PDZRN4: variants seen among roughly 807,000 people sequenced by gnomAD.
PDZRN4 encodes PDZ domain containing ring finger 4.
PDZRN4 carries 70 observed loss-of-function variants against 99.0 expected under a neutral mutation model. The ratio of observed to expected loss-of-function variants is 0.71; its 90% CI spans 0.58 to 0.86. The LOEUF is 0.86. Ranked by LOEUF, PDZRN4 falls within the 40% of genes least tolerant of loss-of-function variation. PDZRN4 has a pLI of 0.00. For synonymous variants in PDZRN4, 551 were observed against 501.6 expected, an observed-to-expected ratio of 1.10 and a Z score of -1.32; for missense variants, 1,474 against 1,331.2, an observed-to-expected ratio of 1.11 and a Z score of -1.67.
At chr12:41,568,815 T>TAC (rs1939425107) in intron 9 of PDZRN4, among the ~76,000 whole-genome samples, 1 of 150,544 alleles carries the variant, frequency 6.6e-6, no homozygotes, top group Admixed American at 6.6e-5. Flanking sequence ...TATTTTATTA[T>TAC]ATATATATAT....
At chr12:41,217,924 C>T (rs1032222809) in intron 3 of PDZRN4, among the ~76,000 whole-genome samples, 3 of 152,020 alleles carry the variant, frequency 2.0e-5, no homozygotes, top group African/African-American at 7.2e-5. Flanking sequence ...TATAAACTTC[C>T]CACAGAGCAC....
intron 3 of PDZRN4, among the ~76,000 whole-genome samples, chr12:41,500,401 CA>C (rs1260041234): frequency 6.6e-6 from 1 of 151,982 alleles, no homozygotes; most frequent in Non-Finnish European, 1.5e-5. Context: ...CTTATTGTGT[CA>C]CATGGAATAA....
intron 3 of PDZRN4, among the ~76,000 whole-genome samples, chr12:41,278,736 G>T (rs1951365325): frequency 6.6e-6 from 1 of 152,198 alleles, no homozygotes; most frequent in African/African-American, 2.4e-5. Context: ...AGCGGAAAAT[G>T]CTACATCACA....
intron 3 of PDZRN4, among the ~76,000 whole-genome samples, chr12:41,397,032 T>C (rs1007880156): frequency 2.6e-5 from 4 of 152,136 alleles, no homozygotes; most frequent in African/African-American, 9.7e-5. Context: ...ACAGTTTTTA[T>C]AATACTTAGT....
intron 3 of PDZRN4, among the ~76,000 whole-genome samples, chr12:41,383,446 A>C (rs1404227355): frequency 6.6e-6 from 1 of 152,240 alleles, no homozygotes; most frequent in Non-Finnish European, 1.5e-5. Flanking sequence ...CTTAAATAAA[A>C]ATGTATGTTT....
At chr12:41,481,902 T>G (rs1937679293) in intron 3 of PDZRN4, among the ~76,000 whole-genome samples, 1 of 152,176 alleles carries the variant, frequency 6.6e-6, no homozygotes, top group Non-Finnish European at 1.5e-5. Flanking sequence ...TAGATAACCA[T>G]GATCAATTTA....
At chr12:41,492,693 G>GA (rs1937912413) in intron 3 of PDZRN4, among the ~76,000 whole-genome samples, 1 of 152,022 alleles carries the variant, frequency 6.6e-6, no homozygotes, top group South Asian at 2.1e-4. Flanking sequence ...GGTGGTGTAA[G>GA]AAAAAAATCA....
At chr12:41,426,930 A>G (rs1406807392) in intron 3 of PDZRN4, among the ~76,000 whole-genome samples, 2 of 152,202 alleles carry the variant, frequency 1.3e-5, no homozygotes, top group African/African-American at 4.8e-5. Context: ...AGCCCTAGGA[A>G]TTGAGCTTGT....
rs148353188 is a variant in PDZRN4, at chr12:41,195,264, G to A, written c.843+1076G>A. 3.2e-3 allele frequency among the ~76,000 whole-genome samples: 483 copies of A among 152,262 alleles called. 2 individuals carry two copies. Among genetic ancestry groups the A allele is most frequent in the African/African-American group, 0.011 (442 of 41,550 alleles). Reference sequence around the variant, plus strand: ...CAGTGAGTTTATTTCCAATGGATTAGTGAAGCTATAAATAGGAATTTGGAA... The same window carrying A: ...CAGTGAGTTTATTTCCAATGGATTAATGAAGCTATAAATAGGAATTTGGAA... On this transcript the variant is annotated intron_variant, in intron 3 of 9. Transcript: ENST00000402685.
At chr12:41,272,480 A>C (rs1206816643) in intron 3 of PDZRN4, among the ~76,000 whole-genome samples, 1 of 152,210 alleles carries the variant, frequency 6.6e-6, no homozygotes, top group East Asian at 1.9e-4. Flanking sequence ...CATTTATTGT[A>C]TTAAATGAGT....
At chr12:41,354,821 C>T (rs1203877417) in intron 3 of PDZRN4, among the ~76,000 whole-genome samples, 2 of 152,064 alleles carry the variant, frequency 1.3e-5, no homozygotes, top group East Asian at 3.9e-4. Context: ...TCCTCCATCA[C>T]ATTCCTGTAG....
At chr12:41,387,095 G>A (rs59661256) in intron 3 of PDZRN4, among the ~76,000 whole-genome samples, 2,521 of 152,120 alleles carry the variant, frequency 0.017, 72 homozygotes, top group African/African-American at 0.056. Flanking sequence ...AAAAACAATG[G>A]CAATAAAATC....
chr12:41,212,359 G>A (rs1418395142), intron 3 of PDZRN4, among the ~76,000 whole-genome samples: 1 of 151,850 alleles, frequency 6.6e-6, no homozygotes, highest in Non-Finnish European at 1.5e-5. Flanking sequence ...CTTGTTCAGA[G>A]GTAGATTTTT....
rs1950897482 is a variant in PDZRN4, at chr12:41,212,943, C to T, written c.843+18755C>T. 4.6e-5 allele frequency among the ~76,000 whole-genome samples: 7 copies of T among 151,944 alleles called. No homozygotes were observed. The South Asian group carries it at 1.2e-3, about 27-fold the overall frequency. ...AATTGAAAGAAAGCTGATGGAAGAA[C>T]GGCTCTCAGCAAGGATTGGAGAGTG... On this transcript the variant is annotated intron_variant, in intron 3 of 9. Transcript: ENST00000402685.
chr12:41,358,739 A>G (rs1565561510), intron 3 of PDZRN4, among the ~76,000 whole-genome samples: 2 of 152,010 alleles, frequency 1.3e-5, no homozygotes, highest in Non-Finnish European at 2.9e-5. Context: ...TAAAGCACAG[A>G]GCCATGGATG....
chr12:41,554,937 G>C (rs981434959), intron 6 of PDZRN4, among the ~76,000 whole-genome samples: 6 of 151,474 alleles, frequency 4.0e-5, no homozygotes, highest in African/African-American at 1.5e-4. Flanking sequence ...GGCCGGACGC[G>C]GTGGCTCACG....
chr12:41,188,641 C>G lies in PDZRN4; in HGVS notation c.186C>G (p.Gly62=), dbSNP rs762548035. 28 of 1,541,336 alleles carry G rather than the reference C, an allele frequency of 1.8e-5. No homozygotes were observed. Among genetic ancestry groups the G allele is most frequent in the Admixed American group, 3.8e-5 (2 of 52,168 alleles). ...CPLQCQPLAP[G]ELYRVLPLRS... ...TGCAGTGCCAGCCCTTGGCGCCCGG[C>G]GAGCTGTACCGGGTGCTGCCGCTGC... The change falls in exon 1 of 10, where the codon GGC becomes GGG. Residue 62 remains glycine, a synonymous_variant. Coordinates refer to ENST00000402685, the MANE Select transcript of PDZRN4 (RefSeq NM_001164595.2).
At chr12:41,373,015 G>C (rs1390054175) in intron 3 of PDZRN4, among the ~76,000 whole-genome samples, 5 of 152,192 alleles carry the variant, frequency 3.3e-5, no homozygotes, top group Non-Finnish European at 7.4e-5. Flanking sequence ...GGGTGTCCGG[G>C]GGAGACATCA....
chr12:41,470,453 C>T (rs1199814797), intron 3 of PDZRN4, among the ~76,000 whole-genome samples: 6 of 151,830 alleles, frequency 4.0e-5, no homozygotes, highest in African/African-American at 1.2e-4. Flanking sequence ...GACCCAGGTT[C>T]CTTCCATCTA....
Sources: allele counts gnomAD v4.1 joint callset (sites outside exome capture counted in the v4.1 genomes callset), GRCh38; gene constraint gnomAD v4.1.1; transcripts MANE v1.5; gene names NCBI Gene and HGNC (gene_info 2026-07-23, HGNC 2026-07-21).